The following MARCHF4 variants were observed in gnomAD, a reference collection of about 807,000 sequenced individuals.
The protein encoded by MARCHF4 is membrane associated ring-CH-type finger 4.
A neutral mutation model predicts 43.9 loss-of-function variants in MARCHF4; 14 were observed. The observed-to-expected ratio is 0.32, with a 90% CI of 0.21 to 0.50. The LOEUF (loss-of-function observed/expected upper bound fraction) is 0.50, where lower values mean the gene tolerates loss of function less well. Ranked by LOEUF, MARCHF4 falls within the 20% of genes least tolerant of loss-of-function variation. The pLI is 0.98. For missense variants in MARCHF4, 468 were observed against 536.7 expected (o/e 0.87, Z 1.27); for synonymous variants, 226 against 213.3 (o/e 1.06, Z -0.52).
At chr2:216,355,639 A>T (rs1692490907) in intron 1 of MARCHF4, among the ~76,000 whole-genome samples, 1 of 152,206 alleles carries the variant, frequency 6.6e-6, no homozygotes, top group Admixed American at 6.5e-5. Flanking sequence ...TCTGATACTC[A>T]AACTGATTTT....
At chr2:216,292,146 G>A (rs1226674622) in intron 1 of MARCHF4, among the ~76,000 whole-genome samples, 1 of 152,208 alleles carries the variant, frequency 6.6e-6, no homozygotes, top group Non-Finnish European at 1.5e-5. Context: ...GGGATTATTT[G>A]ATGTGTGTTT....
intron 1 of MARCHF4, among the ~76,000 whole-genome samples, chr2:216,303,844 G>T (rs1429615803): frequency 6.6e-6 from 1 of 152,168 alleles, no homozygotes; most frequent in Admixed American, 6.5e-5. Context: ...TAGATGAAAA[G>T]CAACACCAGA....
At chr2:216,297,076 A>G (rs1331637904) in intron 1 of MARCHF4, among the ~76,000 whole-genome samples, 1 of 152,234 alleles carries the variant, frequency 6.6e-6, no homozygotes, top group African/African-American at 2.4e-5. Flanking sequence ...AGGAATAAGC[A>G]TGCTAAGTAG....
intron 1 of MARCHF4, among the ~76,000 whole-genome samples, chr2:216,290,333 G>A (rs1267458965): frequency 6.6e-6 from 1 of 152,186 alleles, no homozygotes; most frequent in Admixed American, 6.5e-5. Flanking sequence ...GGAATATCAA[G>A]TGCAAAGGCC....
intron 1 of MARCHF4, among the ~76,000 whole-genome samples, chr2:216,328,331 G>A (rs953110491): frequency 2.6e-5 from 4 of 152,110 alleles, no homozygotes; most frequent in Admixed American, 1.3e-4. Flanking sequence ...CACCATGCCC[G>A]GCTAATTTTT....
intron 3 of MARCHF4, among the ~76,000 whole-genome samples, chr2:216,265,001 G>A (rs1690821827): frequency 2.0e-5 from 3 of 152,148 alleles, no homozygotes; most frequent in Non-Finnish European, 2.9e-5. Flanking sequence ...GCAGCGTACC[G>A]AAGAAACAGG....
chr2:216,331,892 C>T (rs939933071), intron 1 of MARCHF4, among the ~76,000 whole-genome samples: 2 of 151,946 alleles, frequency 1.3e-5, no homozygotes, highest in African/African-American at 4.8e-5. Context: ...GAAAATTTTC[C>T]CATGAAATCA....
intron 1 of MARCHF4, among the ~76,000 whole-genome samples, chr2:216,319,115 C>A (rs780418049): frequency 9.2e-5 from 14 of 152,112 alleles, no homozygotes; most frequent in Admixed American, 7.2e-4. Context: ...CAAAACCAGC[C>A]TGGCCAACAC....
At chr2:216,348,162 C>T (rs1021332774) in intron 1 of MARCHF4, among the ~76,000 whole-genome samples, 2 of 151,530 alleles carry the variant, frequency 1.3e-5, no homozygotes, top group African/African-American at 2.4e-5. Context: ...CTCAGCCTCC[C>T]GAGTAGCTGG....
intron 1 of MARCHF4, among the ~76,000 whole-genome samples, chr2:216,307,117 G>A (rs1043954571): frequency 6.6e-6 from 1 of 152,082 alleles, no homozygotes; most frequent in Non-Finnish European, 1.5e-5. Context: ...GTCCCACAGC[G>A]GCCCCAGGAA....
At chr2:216,342,872 G>A (rs1008584317) in intron 1 of MARCHF4, among the ~76,000 whole-genome samples, 2 of 152,168 alleles carry the variant, frequency 1.3e-5, no homozygotes, top group Non-Finnish European at 2.9e-5. Context: ...GCCACCAGCT[G>A]GTAGGTGGGC....
intron 1 of MARCHF4, among the ~76,000 whole-genome samples, chr2:216,334,643 C>G (rs1427810095): frequency 6.6e-6 from 1 of 152,164 alleles, no homozygotes; most frequent in Non-Finnish European, 1.5e-5. Flanking sequence ...TCAAGCAATC[C>G]TCCCACCTCA....
intron 3 of MARCHF4, among the ~76,000 whole-genome samples, chr2:216,274,056 T>C (rs773792257): frequency 1.3e-5 from 2 of 152,244 alleles, no homozygotes; most frequent in Admixed American, 6.5e-5. Flanking sequence ...GGGTGTTTTA[T>C]TGGGGATGCC....
intron 3 of MARCHF4, among the ~76,000 whole-genome samples, chr2:216,273,327 T>C (rs1690968664): frequency 6.6e-6 from 1 of 152,258 alleles, no homozygotes; most frequent in Admixed American, 6.5e-5. Context: ...ATCTGAAATA[T>C]AAAGAAAGTC....
intron 1 of MARCHF4, among the ~76,000 whole-genome samples, chr2:216,318,550 G>C (rs575645730): frequency 6.6e-6 from 1 of 152,332 alleles, no homozygotes; most frequent in African/African-American, 2.4e-5. Context: ...GATGAAATTT[G>C]AGCAGAGACT....
chr2:216,285,859 C>G (rs1249170635), intron 1 of MARCHF4, among the ~76,000 whole-genome samples: 1 of 152,214 alleles, frequency 6.6e-6, no homozygotes, highest in Non-Finnish European at 1.5e-5. Flanking sequence ...GATTGTTAAG[C>G]AGCCACGTCA....
intron 1 of MARCHF4, among the ~76,000 whole-genome samples, chr2:216,331,163 C>T (rs1219785343): frequency 6.6e-6 from 1 of 151,862 alleles, no homozygotes; most frequent in Non-Finnish European, 1.5e-5. Context: ...CACAAATTAC[C>T]TATATCAGAA....
chr2:216,339,808 G>T (rs1162453056), intron 1 of MARCHF4, among the ~76,000 whole-genome samples: 1 of 152,114 alleles, frequency 6.6e-6, no homozygotes. Context: ...GGATCCCATA[G>T]AGACCCTCCA....
chr2:216,334,710 T>A (rs1466132160), intron 1 of MARCHF4, among the ~76,000 whole-genome samples: 1 of 152,186 alleles, frequency 6.6e-6, no homozygotes, highest in Non-Finnish European at 1.5e-5. Context: ...GGCCTAAAGC[T>A]GCCTGGTTTA....
Sources: gnomAD v4.1 joint callset for allele counts (sites outside exome capture counted in the v4.1 genomes callset) on GRCh38, gnomAD v4.1.1 for gene constraint, MANE v1.5 for transcripts, NCBI Gene and HGNC (gene_info 2026-07-23, HGNC 2026-07-21) for gene names.